AFF3: variants seen among roughly 807,000 people sequenced by gnomAD.
AFF3 encodes the protein AF4/FMR2 family member 3.
AFF3 carries 32 observed loss-of-function variants against 129.7 expected under a neutral mutation model. That is an observed-to-expected ratio of 0.25 (90% confidence interval 0.19 to 0.33). AFF3 has a LOEUF of 0.33. AFF3 is among the 10% of genes least tolerant of loss of function. AFF3 has a pLI of 1.00. For missense variants in AFF3, 1,373 were observed against 1,592.0 expected (o/e 0.86, Z 2.34); for synonymous variants, 644 against 635.4 (o/e 1.01, Z -0.20).
Position 100,015,083 on chromosome 2 carries a change from C to T in AFF3, c.54-6151G>A, listed in dbSNP as rs1393995378. On this transcript the variant is annotated intron_variant, in intron 4 of 24. Transcript: ENST00000672756. Reference sequence around the variant, plus strand: ...CCCCCCAAAGTGCTGGAATTACAGGCGTGAGCCACTGTGCCTGGCCCACCT... The same window carrying T: ...CCCCCCAAAGTGCTGGAATTACAGGTGTGAGCCACTGTGCCTGGCCCACCT... 4.0e-5 allele frequency among the ~76,000 whole-genome samples: 6 copies of T among 151,500 alleles called. 1 individual carries two copies. The East Asian group carries it at 5.8e-4, about 15-fold the overall frequency.
chr2:99,696,319 G>C (rs1337779770), intron 11 of AFF3, among the ~76,000 whole-genome samples: 1 of 152,152 alleles, frequency 6.6e-6, no homozygotes, highest in Non-Finnish European at 1.5e-5. Context: ...CAAGGCTCAG[G>C]TGATTTACAC....
chr2:99,716,038 G>C (rs568858791), intron 11 of AFF3, among the ~76,000 whole-genome samples: 2 of 152,290 alleles, frequency 1.3e-5, no homozygotes, highest in South Asian at 4.1e-4. Flanking sequence ...TACAAATGTA[G>C]AAGGATATGC....
chr2:99,829,563 C>G (rs946338355), intron 8 of AFF3, among the ~76,000 whole-genome samples: 5 of 152,160 alleles, frequency 3.3e-5, no homozygotes, highest in African/African-American at 1.2e-4. Context: ...TAGAGAAATG[C>G]AAATCAAAAC....
chr2:100,001,690 T>TGCAG (rs1484349606), intron 7 of AFF3, among the ~76,000 whole-genome samples: 1 of 142,722 alleles, frequency 7.0e-6, no homozygotes, highest in African/African-American at 3.0e-5. Flanking sequence ...CCTCCCAAAG[T>TGCAG]GCAGGGATTA....
chr2:99,582,720 G>T, intron 17 of AFF3, 78 bp downstream of exon 17: 1 of 1,488,228 alleles, frequency 6.7e-7, no homozygotes, highest in Non-Finnish European at 9.3e-7. Flanking sequence ...TGTTCAGACT[G>T]TGCTAGGTTA....
intron 22 of AFF3, among the ~76,000 whole-genome samples, chr2:99,558,035 T>C (rs934803832): frequency 1.3e-5 from 2 of 152,210 alleles, no homozygotes; most frequent in Non-Finnish European, 2.9e-5. Context: ...TGAAAATAAT[T>C]TCATTCCCTG....
chr2:99,841,903 T>C (rs1280338898), intron 7 of AFF3, among the ~76,000 whole-genome samples: 1 of 152,184 alleles, frequency 6.6e-6, no homozygotes, highest in Non-Finnish European at 1.5e-5. Flanking sequence ...GCTCACAGTA[T>C]GAAAATAAAA....
At chr2:99,701,201 T>A (rs768108171) in intron 11 of AFF3, among the ~76,000 whole-genome samples, 1 of 152,100 alleles carries the variant, frequency 6.6e-6, no homozygotes, top group Non-Finnish European at 1.5e-5. Flanking sequence ...CTGGTAACAC[T>A]CACTCCCATG....
intron 9 of AFF3, 119 bp downstream of exon 9, chr2:99,752,102 T>G: frequency 1.2e-6 from 1 of 867,532 alleles, no homozygotes. Context: ...AGGATCAGAT[T>G]CACGTGCCTC....
chr2:99,700,024 A>G (rs2104765692), intron 11 of AFF3, among the ~76,000 whole-genome samples: 1 of 152,330 alleles, frequency 6.6e-6, no homozygotes, highest in Admixed American at 6.5e-5. Flanking sequence ...GATTTTGCAA[A>G]TAACATTCAT....
At chr2:99,993,403 G>T (rs1489165575) in intron 7 of AFF3, among the ~76,000 whole-genome samples, 1 of 151,950 alleles carries the variant, frequency 6.6e-6, no homozygotes, top group Non-Finnish European at 1.5e-5. Flanking sequence ...ACAAAATAGA[G>T]ATTATAATTA....
chr2:99,613,256 A>C (rs1441993201), intron 13 of AFF3, among the ~76,000 whole-genome samples: 2 of 152,188 alleles, frequency 1.3e-5, no homozygotes, highest in Admixed American at 6.5e-5. Context: ...TAAAAGTATA[A>C]ATTGGATAGT....
chr2:100,070,090 C>G (rs1688050906), intron 4 of AFF3, among the ~76,000 whole-genome samples: 1 of 151,960 alleles, frequency 6.6e-6, no homozygotes, highest in Admixed American at 6.6e-5. Flanking sequence ...TTAAGATACT[C>G]CCAGACAGAA....
intron 7 of AFF3, among the ~76,000 whole-genome samples, chr2:99,893,707 G>T (rs976349415): frequency 6.6e-6 from 1 of 152,106 alleles, no homozygotes; most frequent in Non-Finnish European, 1.5e-5. Context: ...GCTCACTGAT[G>T]GTTTTATAAA....
At chr2:99,750,843 T>C (rs114249676) in intron 9 of AFF3, among the ~76,000 whole-genome samples, 9,317 of 152,238 alleles carry the variant, frequency 0.061, 962 homozygotes, top group African/African-American at 0.21. Context: ...TTTGTAATAA[T>C]AACAAGCCAT....
chr2:99,971,557 A>T (rs113645322), intron 7 of AFF3, among the ~76,000 whole-genome samples: 9 of 152,186 alleles, frequency 5.9e-5, no homozygotes, highest in Non-Finnish European at 1.2e-4. Flanking sequence ...CTCCCTTTGC[A>T]GCTCCATGTG....
rs1685532905 is a variant in AFF3, at chr2:100,042,630, C to T, written c.54-33698G>A. Among the ~76,000 whole-genome samples, 3 of 152,100 alleles carry T rather than the reference C, an allele frequency of 2.0e-5. No homozygotes were observed. The South Asian group carries it at 6.2e-4, about 32-fold the overall frequency. On this transcript the variant is annotated intron_variant, in intron 4 of 24. Coordinates refer to ENST00000672756, the MANE Select transcript of AFF3 (RefSeq NM_001386135.1). ...GAAAAAAAAATTTAGCAGCTGCATA[C>T]TTAATTATGATTAAGTAATCAAAGT...
chr2:99,966,162 T>C (rs1284233531), intron 7 of AFF3, among the ~76,000 whole-genome samples: 2 of 152,172 alleles, frequency 1.3e-5, no homozygotes, highest in Non-Finnish European at 1.5e-5. Context: ...CTGTCAGGAC[T>C]CCCACCTAGT....
intron 8 of AFF3, among the ~76,000 whole-genome samples, chr2:99,786,948 C>A (rs768092716): frequency 1.3e-5 from 2 of 152,026 alleles, no homozygotes; most frequent in Non-Finnish European, 2.9e-5. Context: ...TCTATATATA[C>A]AACAATATTA....
Sources: allele counts gnomAD v4.1 joint callset (sites outside exome capture counted in the v4.1 genomes callset), GRCh38; gene constraint gnomAD v4.1.1; transcripts MANE v1.5; gene names NCBI Gene and HGNC (gene_info 2026-07-23, HGNC 2026-07-21).